The following RALGAPB variants were observed in gnomAD, a reference collection of about 807,000 sequenced individuals.
RALGAPB encodes ral GTPase-activating protein subunit beta.
A neutral mutation model predicts 161.1 loss-of-function variants in RALGAPB; 25 were observed. That is an observed-to-expected ratio of 0.16 (90% CI 0.11 to 0.22). The LOEUF is 0.22. RALGAPB is among the 10% of genes least tolerant of loss of function. The pLI is 1.00. For synonymous variants in RALGAPB, 629 were observed against 626.1 expected, an observed-to-expected ratio of 1.00 and a Z score of -0.07; for missense variants, 1,391 against 1,815.2, an observed-to-expected ratio of 0.77 and a Z score of 4.25.
rs372202788 is a variant in RALGAPB at position 38,574,763 on chromosome 20, C to G, written c.4292-11C>G. On this transcript the variant is annotated splice_polypyrimidine_tract_variant and intron_variant, in intron 29 of 29. Transcript: ENST00000262879. ...TTTCTAACGTTTATTTTAAAACTCT[C>G]TATTTTCAAGGCTTTCTGGTGAGGC... 3.1e-6 allele frequency: 5 copies of G among 1,609,694 alleles called. No homozygotes were observed. Among genetic ancestry groups the G allele is most frequent in the African/African-American group, 2.7e-5 (2 of 74,706 alleles).
At position 38,576,154 on chromosome 20, in the gene RALGAPB, A is replaced by G. The variant is rs1311065753; in HGVS notation, c.*1187A>G. 2 of 152,660 alleles carry G rather than the reference A, an allele frequency of 1.3e-5. No individual in the cohort carries two copies. Among genetic ancestry groups the G allele is most frequent in the Non-Finnish European group, 2.9e-5 (2 of 68,046 alleles). 9.5% of individuals were successfully genotyped at this position (152,660 alleles called of 1,614,324 possible). On this transcript the variant is annotated 3_prime_UTR_variant, in exon 30 of 30. Coordinates refer to ENST00000262879, the MANE Select transcript of RALGAPB (RefSeq NM_020336.4). The stretch of plus-strand genomic sequence containing the variant: ...TAAAACTTTTGAGGTGGCCAGACCC[A>G]GAACATCCAAGGATTCCTGTTACAG...
intron 1 of RALGAPB, among the ~76,000 whole-genome samples, chr20:38,473,476 TTGA>T (rs1408751210): frequency 6.6e-6 from 1 of 151,740 alleles, no homozygotes; most frequent in Non-Finnish European, 1.5e-5. Context: ...TGAGGGAGAG[TTGA>T]TGATGGGAGT....
intron 2 of RALGAPB, among the ~76,000 whole-genome samples, chr20:38,489,742 G>A (rs1226277659): frequency 1.3e-5 from 2 of 152,068 alleles, no homozygotes; most frequent in Non-Finnish European, 2.9e-5. Context: ...TAGCTCTAAG[G>A]GTAGGATCCT....
At position 38,569,669 on chromosome 20, in the gene RALGAPB, T is replaced by C. The variant is rs1192438804; in HGVS notation, c.3955-219T>C. ...TATTCAGTATTCCTTCCTTTTTTTT[T>C]CTTTGACAATTTTAAGCCTTGTCCT... On this transcript the variant is annotated intron_variant, in intron 26 of 29. Coordinates refer to ENST00000262879, the MANE Select transcript of RALGAPB (RefSeq NM_020336.4). 56 of 488,230 alleles carry C rather than the reference T, an allele frequency of 1.1e-4. No individual in the cohort carries two copies. The East Asian group carries it at 1.7e-3, about 15-fold the overall frequency. The allele number at this position is 488,230 out of a possible 1,614,324, so 30.2% of individuals were successfully genotyped here.
intron 15 of RALGAPB, chr20:38,534,297 A>G (rs1167947128): frequency 6.6e-6 from 1 of 152,620 alleles, no homozygotes; most frequent in African/African-American, 2.4e-5. Context: ...ATTTTTTACT[A>G]AGAAATCCTG....
chr20:38,507,664 G>A (rs937855501), intron 5 of RALGAPB, among the ~76,000 whole-genome samples: 4 of 152,042 alleles, frequency 2.6e-5, no homozygotes, highest in Admixed American at 1.3e-4. Context: ...GAGTGCAGGC[G>A]TGAGCCACTA....
In RALGAPB at chr20:38,566,260, G is replaced by A. The variant is rs993246457; in HGVS notation, c.3817+782G>A. Among the ~76,000 whole-genome samples, 67 of 152,154 alleles carry A rather than the reference G, an allele frequency of 4.4e-4. 2 individuals carry two copies. Among genetic ancestry groups the A allele is most frequent in the Non-Finnish European group, 2.9e-5 (2 of 68,012 alleles). On this transcript the variant is annotated intron_variant, in intron 25 of 29. Coordinates refer to ENST00000262879, the MANE Select transcript of RALGAPB (RefSeq NM_020336.4). ...CTCCCTGTCTTACTCTCTGGGGCCGGCTGTGTTCCTGGAAGGTTGGACCTT... is the reference window on the plus strand; with the variant it reads ...CTCCCTGTCTTACTCTCTGGGGCCGACTGTGTTCCTGGAAGGTTGGACCTT...
intron 1 of RALGAPB, among the ~76,000 whole-genome samples, chr20:38,486,886 T>C (rs932549091): frequency 1.3e-5 from 2 of 152,152 alleles, no homozygotes; most frequent in East Asian, 3.8e-4. Context: ...AAACACATGG[T>C]CAATGTCCAC....
intron 2 of RALGAPB, among the ~76,000 whole-genome samples, chr20:38,490,597 C>T (rs1190621219): frequency 6.6e-6 from 1 of 151,626 alleles, no homozygotes; most frequent in Non-Finnish European, 1.5e-5. Context: ...ACCTCTGCCT[C>T]CCAGGTTCAA....
chr20:38,474,035 A>G (rs1318359118), intron 1 of RALGAPB, among the ~76,000 whole-genome samples: 1 of 152,220 alleles, frequency 6.6e-6, no homozygotes, highest in Non-Finnish European at 1.5e-5. Context: ...ACACCTTGTG[A>G]AAGACTGTTA....
chr20:38,521,113 A>G (rs866674170), intron 9 of RALGAPB, among the ~76,000 whole-genome samples: 2 of 152,174 alleles, frequency 1.3e-5, no homozygotes, highest in African/African-American at 2.4e-5. Flanking sequence ...TGCAGTAGCT[A>G]TTTTTCTTAA....
At chr20:38,528,490 C>T (rs1047658090) in intron 13 of RALGAPB, among the ~76,000 whole-genome samples, 22 of 151,932 alleles carry the variant, frequency 1.4e-4, no homozygotes, top group Non-Finnish European at 3.1e-4. Flanking sequence ...TCTGCCGCAA[C>T]CTCTGAAGTA....
chr20:38,575,686 A>G lies in RALGAPB; in HGVS notation c.*719A>G, dbSNP rs759386779. The G allele has an allele frequency of 3.3e-5, 5 of 152,276 alleles. No individual in the cohort carries two copies. Among genetic ancestry groups the G allele is most frequent in the Non-Finnish European group, 7.3e-5 (5 of 68,062 alleles). The allele number at this position is 152,276 out of a possible 1,614,324, so 9.4% of individuals were successfully genotyped here. A position where few individuals can be genotyped will look rare whatever the true frequency, so the allele number is the denominator to read the frequency against. On this transcript the variant is annotated 3_prime_UTR_variant, in exon 30 of 30. Transcript: ENST00000262879. ...GCCTTGTCCTTTAATGGGGATGCAA[A>G]TAAAGTTTGTGGGGTTAAAAGTTAT...
chr20:38,473,721 C>A (rs912192527), intron 1 of RALGAPB, among the ~76,000 whole-genome samples: 1 of 152,184 alleles, frequency 6.6e-6, no homozygotes, highest in Admixed American at 6.5e-5. Flanking sequence ...GGCAGTGGCT[C>A]TCCAACTTTG....
intron 10 of RALGAPB, among the ~76,000 whole-genome samples, chr20:38,523,116 T>A (rs2086343256): frequency 6.6e-6 from 1 of 151,602 alleles, no homozygotes; most frequent in Non-Finnish European, 1.5e-5. Flanking sequence ...ATTGTGCCAC[T>A]GCACTCCAGC....
rs1410667970 is a variant in RALGAPB, at chr20:38,517,577, G to A, written c.1123G>A (p.Ala375Thr). 6.2e-7 allele frequency: 1 copy of A among 1,613,474 alleles called. No individual in the cohort carries two copies. Among genetic ancestry groups the A allele is most frequent in the Admixed American group, 1.7e-5 (1 of 59,966 alleles). Residue 375 changes from alanine to threonine, a missense_variant, in exon 8 of 30, where the codon GCT becomes ACT. Physicochemically the swap from Ala to Thr is moderately conservative, Grantham distance 58 (BLOSUM62 0). This residue lies in a region of RALGAPB where 946 missense variants were observed against 1,257.2 expected (regional missense o/e 0.75). Coordinates refer to ENST00000262879, the MANE Select transcript of RALGAPB (RefSeq NM_020336.4). ...TAGATTAAGTATGCCTCAAAGTGCT[G>A]CTGTCAGTACCACCCCCCCACATAA... ...VNRLSMPQSA[A>T]VSTTPPHNRR...
rs542983544 is a variant in RALGAPB at position 38,546,529 on chromosome 20, T to A, written c.2902+99T>A. On this transcript the variant is annotated intron_variant, in intron 19 of 29. Coordinates refer to ENST00000262879, the MANE Select transcript of RALGAPB (RefSeq NM_020336.4). ...TCAGGGAAGGACAGCCTACAGATTC[T>A]AAGTAGGTCAGAAAGATTTCTAGCT... 5.6e-5 allele frequency: 84 copies of A among 1,505,582 alleles called. 1 individual carries two copies. The South Asian group carries it at 8.6e-4, about 15-fold the overall frequency. 93.3% of individuals were successfully genotyped at this position (1,505,582 alleles called of 1,614,324 possible). A position where few individuals can be genotyped will look rare whatever the true frequency, so the allele number is the denominator to read the frequency against.
At chr20:38,494,809 T>C (rs144501315) in intron 3 of RALGAPB, among the ~76,000 whole-genome samples, 1,526 of 152,356 alleles carry the variant, frequency 0.01, 27 homozygotes, top group African/African-American at 0.034. Context: ...ATTGTCACTG[T>C]GTCTCTTTCC....
chr20:38,480,385 C>CTTTTT (rs71189925), intron 1 of RALGAPB, among the ~76,000 whole-genome samples: 33 of 128,748 alleles, frequency 2.6e-4, no homozygotes, highest in African/African-American at 5.9e-4. Context: ...TTCTTTCTTT[C>CTTTTT]TTTTTTTTTT....
Sources: gnomAD v4.1 joint callset for allele counts (sites outside exome capture counted in the v4.1 genomes callset) on GRCh38, gnomAD v4.1.1 for gene constraint, gnomAD v4.1.1 regional missense constraint, MANE v1.5 for transcripts, NCBI Gene and HGNC (gene_info 2026-07-23, HGNC 2026-07-21) for gene names.